The following SEMA3G variants were observed in gnomAD, a reference collection of about 807,000 sequenced individuals.
SEMA3G encodes semaphorin-3G.
A neutral mutation model predicts 86.2 loss-of-function variants in SEMA3G; 70 were observed. The observed-to-expected ratio is 0.81, with a 90% CI of 0.67 to 0.99. SEMA3G has a LOEUF of 0.99. SEMA3G is among the 50% of genes least tolerant of loss of function. The probability of loss-of-function intolerance (pLI) is 0.00; values close to 1 mark genes in which losing one functional copy is unlikely to be tolerated. For missense variants in SEMA3G, 1,002 were observed against 1,072.4 expected, an observed-to-expected ratio of 0.93 and a Z score of 0.92; for synonymous variants, 416 against 441.4, an observed-to-expected ratio of 0.94 and a Z score of 0.72.
chr3:52,440,195 C>T (rs779408071), intron 10 of SEMA3G, 97 bp from the exon 11 acceptor site: 13 of 1,235,212 alleles, frequency 1.1e-5, no homozygotes, highest in African/African-American at 1.5e-5. Flanking sequence ...GGACCTCTCT[C>T]ACTGCAGGAG....
chr3:52,436,191 T>C, intron 15 of SEMA3G, 118 bp from the exon 16 acceptor site: 1 of 1,445,884 alleles, frequency 6.9e-7, no homozygotes. Context: ...CTTGCCCTAT[T>C]CTCCCCTTCC....
intron 15 of SEMA3G, 136 bp from the exon 16 acceptor site, chr3:52,436,209 G>A: frequency 7.0e-7 from 1 of 1,433,134 alleles, no homozygotes; most frequent in Non-Finnish European, 9.1e-7. Context: ...TCCCAGGAGG[G>A]GACCAGCAGC....
chr3:52,440,345 G>A lies in SEMA3G; in HGVS notation c.1143+32C>T, dbSNP rs201808711. 4.1e-4 allele frequency: 636 copies of A among 1,553,384 alleles called. No individual in the cohort carries two copies. The Middle Eastern group carries it at 0.012, about 30-fold the overall frequency. On this transcript the variant is annotated intron_variant, in intron 10 of 15. Coordinates refer to ENST00000231721, the MANE Select transcript of SEMA3G (RefSeq NM_020163.3). Reference sequence around the variant, plus strand: ...CCTTCCCCACATCTGCTCAGGCCTCGCTTCCCTGGCCTGGCCCCAGCAGAT... The same window carrying A: ...CCTTCCCCACATCTGCTCAGGCCTCACTTCCCTGGCCTGGCCCCAGCAGAT...
chr3:52,442,087 G>GCCCCTCTGTCCCTA lies in SEMA3G; in HGVS notation c.459+84_459+97dup, dbSNP rs1706170090. The GCCCCTCTGTCCCTA allele has an allele frequency of 6.7e-7, 1 of 1,481,862 alleles. No individual in the cohort carries two copies. Among genetic ancestry groups the GCCCCTCTGTCCCTA allele is most frequent in the Non-Finnish European group, 9.1e-7 (1 of 1,103,092 alleles). The allele number at this position is 1,481,862 out of a possible 1,614,324, so 91.8% of individuals were successfully genotyped here. A position where few individuals can be genotyped will look rare whatever the true frequency, so the allele number is the denominator to read the frequency against. ...ACACAAAGGCGCCTTTCAGGCCCCT[G>GCCCCTCTGTCCCTA]CCCCTCTGTCCCTACCCAGGCTCAA... On this transcript the variant is annotated intron_variant, in intron 4 of 15. Transcript: ENST00000231721. The surrounding 1 kb of genome is among the most constrained non-coding windows in gnomAD (Gnocchi z 6.1).
Position 52,439,876 on chromosome 3 carries a change from G to A in SEMA3G, c.1366C>T (p.Leu456=). ...AEDGTYDVIF[L]GTDSGSVLKV... The stretch of plus-strand genomic sequence containing the variant: ...GGCTCAGCTGTCCTACCAGTCCCCA[G>A]GAAAATGACATCGTAGGTCCCATCC... Residue 456 remains leucine, a synonymous_variant, in exon 11 of 16, where the codon CTG becomes TTG. Transcript: ENST00000231721. 1 of 1,613,196 alleles carries A rather than the reference G, an allele frequency of 6.2e-7. No homozygotes were observed. The highest frequency in any genetic ancestry group is 1.3e-5 in the African/African-American group (1 of 75,046).
chr3:52,444,956 G>A lies in SEMA3G; in HGVS notation c.72C>T (p.Pro24=), dbSNP rs1706239045. 5 of 1,303,538 alleles carry A rather than the reference G, an allele frequency of 3.8e-6. No individual in the cohort carries two copies. In the East Asian group the frequency reaches 9.4e-5, roughly 24 times the overall value. The allele number at this position is 1,303,538 out of a possible 1,614,324, so 80.7% of individuals were successfully genotyped here. ...GLLLHGGSSG[P]SPGPSVPRLR... ...GGCGGGGCACACTGGGGCCGGGGCT[G>A]GGGCCAGAGCTACCCCCATGGAGCA... Residue 24 remains proline (P), a synonymous_variant, in exon 1 of 16, where the codon CCC becomes CCT. Coordinates refer to ENST00000231721, the MANE Select transcript of SEMA3G (RefSeq NM_020163.3).
Position 52,439,895 on chromosome 3 carries a change from C to A in SEMA3G, c.1347G>T (p.Gly449=), listed in dbSNP as rs779549820. 6 of 1,613,638 alleles carry A rather than the reference C, an allele frequency of 3.7e-6. No homozygotes were observed. The highest frequency in any genetic ancestry group is 5.1e-6 in the Non-Finnish European group (6 of 1,179,890). ...TCCCCAGGAAAATGACATCGTAGGT[C>A]CCATCCTCTGCCTCCACGCGGTCCA... ...IVVDRVEAED[G]TYDVIFLGTD... is the part of the protein sequence containing the mutation. Residue 449 remains glycine, a synonymous_variant, in exon 11 of 16, where the codon GGG becomes GGT. Transcript: ENST00000231721.
In SEMA3G at chr3:52,442,591, C is replaced by G. The variant is rs763479068; in HGVS notation, c.307G>C (p.Glu103Gln). 1.2e-6 allele frequency: 2 copies of G among 1,614,178 alleles called. No individual in the cohort carries two copies. The highest frequency in any genetic ancestry group is 1.7e-6 in the Non-Finnish European group (2 of 1,180,010). Residue 103 changes from glutamate to glutamine, a missense_variant, in exon 3 of 16, where the codon GAG (glutamate) becomes CAG (glutamine). Coordinates refer to ENST00000231721, the MANE Select transcript of SEMA3G (RefSeq NM_020163.3). This position sits in a 1 kb window ranked among gnomAD's most constrained non-coding sequence, Gnocchi z 6.1. Reference protein sequence around the residue: ...VLWPPQPGQREECVRKGRDPL... With the variant: ...VLWPPQPGQRQECVRKGRDPL... ...TCTCTTCCCTTTCGAACACACTCCT[C>G]CCTCTGTCCTGGCTGCGGTGGCCAC...
In SEMA3G at chr3:52,442,050, G is replaced by T; in HGVS notation, c.459+135C>A. On this transcript the variant is annotated intron_variant, in intron 4 of 15. Coordinates refer to ENST00000231721, the MANE Select transcript of SEMA3G (RefSeq NM_020163.3). The surrounding 1 kb of genome is among the most constrained non-coding windows in gnomAD (Gnocchi z 6.1). ...CCTCATCCAGGGCCCCTCTAATGGG[G>T]TCAGCTCCCCAACACAAAGGCGCCT... is the stretch of plus-strand genomic sequence containing the variant. 7.3e-7 allele frequency: 1 copy of T among 1,378,584 alleles called. No homozygotes were observed. Among genetic ancestry groups the T allele is most frequent in the Non-Finnish European group, 9.8e-7 (1 of 1,018,112 alleles). 85.4% of individuals were successfully genotyped at this position (1,378,584 alleles called of 1,614,324 possible).
At chr3:52,437,173 C>A (rs539466892) in intron 15 of SEMA3G, among the ~76,000 whole-genome samples, 1 of 152,174 alleles carries the variant, frequency 6.6e-6, no homozygotes, top group Admixed American at 6.5e-5. Flanking sequence ...GCACAGCCCC[C>A]TCCCCTGCCT....
chr3:52,440,038 C>T lies in SEMA3G; in HGVS notation c.1204G>A (p.Asp402Asn), dbSNP rs745544168. 15 of 1,607,152 alleles carry T rather than the reference C, an allele frequency of 9.3e-6. No homozygotes were observed. The highest frequency in any genetic ancestry group is 1.3e-5 in the Non-Finnish European group (15 of 1,174,990). ...GCTCGGGCAAACTGCAGCACCTCATCTGGGTAGTCCTTGGTGCTGCCAAAA... is the reference window on the plus strand; with the variant it reads ...GCTCGGGCAAACTGCAGCACCTCATTTGGGTAGTCCTTGGTGCTGCCAAAA... ...RPFGSTKDYP[D>N]EVLQFARAHP... is the part of the protein sequence containing the mutation. The change falls in exon 11 of 16, where the codon GAT (aspartate) becomes AAT (asparagine). Residue 402 changes from aspartate (D) to asparagine (N), a missense_variant. Physicochemically the swap from Asp to Asn is conservative, Grantham distance 23 (BLOSUM62 1). Coordinates refer to ENST00000231721, the MANE Select transcript of SEMA3G (RefSeq NM_020163.3).
intron 12 of SEMA3G, among the ~76,000 whole-genome samples, chr3:52,439,408 A>T (rs1706103799): frequency 6.6e-6 from 1 of 152,028 alleles, no homozygotes; most frequent in African/African-American, 2.4e-5. Context: ...GCTTCCCTTG[A>T]CCATCCCTCC....
Position 52,435,653 on chromosome 3 carries a change from G to C in SEMA3G, c.2299C>G (p.Arg767Gly). The part of the protein sequence containing the change: ...GLELGKKMKS[R>G]VHAEHNRTPR... ...GTCCGATTGTGCTCGGCATGCACCC[G>C]GCTCTTCATCTTCTTGCCTAGCTCC... Residue 767 changes from arginine to glycine, a missense_variant, in exon 16 of 16, where the codon CGG becomes GGG. Coordinates refer to ENST00000231721, the MANE Select transcript of SEMA3G (RefSeq NM_020163.3). The C allele has an allele frequency of 6.2e-7, 1 of 1,613,950 alleles. No individual in the cohort carries two copies.
chr3:52,438,201 T>C lies in SEMA3G; in HGVS notation c.1510-2A>G. 6.2e-7 allele frequency: 1 copy of C among 1,611,674 alleles called. No individual in the cohort carries two copies. Among genetic ancestry groups the C allele is most frequent in the Non-Finnish European group, 8.5e-7 (1 of 1,179,100 alleles). On this transcript the variant is annotated splice_acceptor_variant, in intron 13 of 15. Coordinates refer to ENST00000231721, the MANE Select transcript of SEMA3G (RefSeq NM_020163.3). LOFTEE classifies it high-confidence loss of function. ...CCGAGAGCCCACGTATAGCATTTGC[T>C]GGGGAGGGACAGAAGCAGAGCCTGA...
chr3:52,436,213 C>G (rs1706048184), intron 15 of SEMA3G, 140 bp from the exon 16 acceptor site: 1 of 1,422,052 alleles, frequency 7.0e-7, no homozygotes, highest in Admixed American at 2.8e-5. Flanking sequence ...AGGAGGGGAC[C>G]AGCAGCGTGG....
rs1706046146 is a variant in SEMA3G, at chr3:52,436,093, G to C, written c.1879-20C>G. The C allele has an allele frequency of 1.9e-6, 3 of 1,590,986 alleles. No homozygotes were observed. In the African/African-American group the frequency reaches 4.0e-5, roughly 21 times the overall value. On this transcript the variant is annotated intron_variant, in intron 15 of 15. Coordinates refer to ENST00000231721, the MANE Select transcript of SEMA3G (RefSeq NM_020163.3). The stretch of plus-strand genomic sequence containing the variant: ...CTTCACCTGCCATGCGGGCGGGAGG[G>C]CGTGAGTAGGGTGCAAGGTGGGAGT...
chr3:52,443,138 C>A, intron 1 of SEMA3G: 1 of 1,074,264 alleles, frequency 9.3e-7, no homozygotes, highest in Non-Finnish European at 1.4e-6. Flanking sequence ...GCCTACCTCC[C>A]ACCCCTCCAT....
chr3:52,444,377 A>T (rs1297522944), intron 1 of SEMA3G, among the ~76,000 whole-genome samples: 1 of 151,978 alleles, frequency 6.6e-6, no homozygotes, highest in African/African-American at 2.4e-5. Flanking sequence ...ACTCCCCGAG[A>T]GCTGTGCAGG....
intron 12 of SEMA3G, among the ~76,000 whole-genome samples, chr3:52,439,327 C>T (rs1289658091): frequency 6.6e-6 from 1 of 152,130 alleles, no homozygotes; most frequent in Non-Finnish European, 1.5e-5. Context: ...GCCAAGAGAA[C>T]ATCTAGGGGC....
Sources: gnomAD v4.1 joint callset for allele counts (sites outside exome capture counted in the v4.1 genomes callset) on GRCh38, gnomAD v4.1.1 for gene constraint, Gnocchi (gnomAD v3.1) non-coding constraint, MANE v1.5 for transcripts, NCBI Gene and HGNC (gene_info 2026-07-23, HGNC 2026-07-21) for gene names.